The following CCBE1 variants were observed in gnomAD, a reference collection of about 807,000 sequenced individuals.
CCBE1 encodes collagen and calcium-binding EGF domain-containing protein 1.
CCBE1 carries 37 observed loss-of-function variants against 50.0 expected under a neutral mutation model. The observed-to-expected ratio is 0.74, with a 90% confidence interval of 0.57 to 0.97. CCBE1 has a LOEUF of 0.97. CCBE1 is among the 50% of genes least tolerant of loss of function. CCBE1 has a pLI of 0.00. For synonymous variants in CCBE1, 234 were observed against 203.7 expected (o/e 1.15, Z -1.27); for missense variants, 538 against 523.8 (o/e 1.03, Z -0.26).
At chr18:59,590,246 C>CA (rs1352584349) in intron 2 of CCBE1, among the ~76,000 whole-genome samples, 1 of 152,036 alleles carries the variant, frequency 6.6e-6, no homozygotes, top group African/African-American at 2.4e-5. Context: ...TCTAGAAAAA[C>CA]AATGAATATC....
Position 59,684,191 on chromosome 18 carries a change from TC to T in CCBE1, c.212+12437del, listed in dbSNP as rs35537041. Reference sequence around the variant, plus strand: ...TCCTCTCATGCCTTATCATTAAATCTCCTTTCCTACACTTTGGGAGGCCAAG... The same window carrying T: ...TCCTCTCATGCCTTATCATTAAATCTCTTTCCTACACTTTGGGAGGCCAAG... On this transcript the variant is annotated intron_variant, in intron 2 of 10. Coordinates refer to ENST00000439986, the MANE Select transcript of CCBE1 (RefSeq NM_133459.4). Among the ~76,000 whole-genome samples the T allele has an allele frequency of 4.1e-3, 627 of 152,246 alleles. 1 individual carries two copies. The highest frequency in any genetic ancestry group is 0.01 in the Middle Eastern group (3 of 294).
At chr18:59,589,274 T>C (rs1273218741) in intron 2 of CCBE1, among the ~76,000 whole-genome samples, 1 of 152,304 alleles carries the variant, frequency 6.6e-6, no homozygotes, top group Non-Finnish European at 1.5e-5. Flanking sequence ...ACATTAGTGA[T>C]AGAAAGCTTA....
chr18:59,556,774 A>G (rs1039591906), intron 2 of CCBE1, among the ~76,000 whole-genome samples: 1 of 152,234 alleles, frequency 6.6e-6, no homozygotes, highest in South Asian at 2.1e-4. Flanking sequence ...GAAATGTCCA[A>G]GGAAAGAGGT....
At position 59,432,479 on chromosome 18, in the gene CCBE1, G is replaced by A. The variant is rs1244109467; in HGVS notation, c.*3429C>T. On this transcript the variant is annotated 3_prime_UTR_variant, in exon 11 of 11. Transcript: ENST00000439986. ...AAATAGCTTTCCCATTAGGTTTTGA[G>A]CAGAAGTCCTGTTTAGACAGTAAAG... 7 of 152,134 alleles carry A rather than the reference G, an allele frequency of 4.6e-5. No homozygotes were observed. The highest frequency in any genetic ancestry group is 4.6e-4 in the Admixed American group (7 of 15,278). 9.4% of individuals were successfully genotyped at this position (152,134 alleles called of 1,614,324 possible). A position where few individuals can be genotyped will look rare whatever the true frequency, so the allele number is the denominator to read the frequency against.
intron 2 of CCBE1, among the ~76,000 whole-genome samples, chr18:59,502,275 A>G (rs1913657070): frequency 6.6e-6 from 1 of 152,140 alleles, no homozygotes; most frequent in African/African-American, 2.4e-5. Context: ...CATCAAACCT[A>G]TGCTGAGCAA....
At chr18:59,664,616 C>A (rs1264806383) in intron 2 of CCBE1, among the ~76,000 whole-genome samples, 1 of 152,122 alleles carries the variant, frequency 6.6e-6, no homozygotes, top group Non-Finnish European at 1.5e-5. Flanking sequence ...CCCTTTAAAC[C>A]AGGCTGCTGC....
chr18:59,588,302 C>T (rs1454372504), intron 2 of CCBE1, among the ~76,000 whole-genome samples: 1 of 152,068 alleles, frequency 6.6e-6, no homozygotes, highest in Non-Finnish European at 1.5e-5. Context: ...TGGTGCATGC[C>T]TGTAATCTTA....
At chr18:59,581,490 G>A (rs561085963) in intron 2 of CCBE1, among the ~76,000 whole-genome samples, 2 of 151,080 alleles carry the variant, frequency 1.3e-5, no homozygotes, top group Admixed American at 6.6e-5. Context: ...AGGAATAGGA[G>A]CTATGCCCAA....
chr18:59,676,293 G>A lies in CCBE1; in HGVS notation c.212+20336C>T, dbSNP rs962304877. 7.9e-5 allele frequency among the ~76,000 whole-genome samples: 12 copies of A among 152,192 alleles called. 1 individual carries two copies. In the Middle Eastern group the frequency reaches 0.01, roughly 129 times the overall value. On this transcript the variant is annotated intron_variant, in intron 2 of 10. Transcript: ENST00000439986. ...TGTTCTCTTGGGCACTGTTGTTTTC[G>A]CCACATGGACTTGGATAACTTTCTC...
At chr18:59,603,179 T>C (rs560446172) in intron 2 of CCBE1, among the ~76,000 whole-genome samples, 3 of 152,286 alleles carry the variant, frequency 2.0e-5, no homozygotes, top group African/African-American at 7.2e-5. Context: ...GCTCAGAAGA[T>C]TCTGGAATGA....
intron 2 of CCBE1, among the ~76,000 whole-genome samples, chr18:59,646,081 T>G (rs564090767): frequency 6.7e-6 from 1 of 150,022 alleles, no homozygotes; most frequent in Non-Finnish European, 1.5e-5. Flanking sequence ...GTTTAAAAGG[T>G]GTAGAGAATT....
At chr18:59,438,371 A>G (rs1910257343) in intron 9 of CCBE1, among the ~76,000 whole-genome samples, 1 of 152,248 alleles carries the variant, frequency 6.6e-6, no homozygotes, top group African/African-American at 2.4e-5. Context: ...TCTATTTTCA[A>G]ACCTTCTTGG....
intron 2 of CCBE1, among the ~76,000 whole-genome samples, chr18:59,553,333 C>T: frequency 6.6e-6 from 1 of 152,172 alleles, no homozygotes; most frequent in East Asian, 1.9e-4. Flanking sequence ...GCACAGGGGA[C>T]ATTCTTACTG....
intron 5 of CCBE1, among the ~76,000 whole-genome samples, chr18:59,460,626 T>C (rs1177696679): frequency 2.0e-5 from 3 of 152,124 alleles, no homozygotes; most frequent in Non-Finnish European, 4.4e-5. Context: ...ATTTCTTAGA[T>C]GGAGGACTAA....
chr18:59,623,213 G>A (rs1478171123), intron 2 of CCBE1, among the ~76,000 whole-genome samples: 1 of 152,150 alleles, frequency 6.6e-6, no homozygotes, highest in Non-Finnish European at 1.5e-5. Context: ...TTTAAAAAAT[G>A]TAGGAATTAA....
intron 2 of CCBE1, among the ~76,000 whole-genome samples, chr18:59,561,589 C>T (rs2052739856): frequency 6.6e-6 from 1 of 152,178 alleles, no homozygotes; most frequent in African/African-American, 2.4e-5. Context: ...TATAACTGCC[C>T]TGCTGACACT....
intron 2 of CCBE1, among the ~76,000 whole-genome samples, chr18:59,531,456 C>T (rs1426119499): frequency 1.3e-5 from 2 of 151,928 alleles, no homozygotes; most frequent in African/African-American, 4.8e-5. Flanking sequence ...AAATTTTGTC[C>T]CCAGGAACAA....
At chr18:59,636,378 A>G (rs768162471) in intron 2 of CCBE1, among the ~76,000 whole-genome samples, 2 of 152,232 alleles carry the variant, frequency 1.3e-5, no homozygotes, top group Non-Finnish European at 2.9e-5. Flanking sequence ...CCCTGCCTCA[A>G]ATAGGTCTAT....
At chr18:59,625,467 A>C (rs911960009) in intron 2 of CCBE1, among the ~76,000 whole-genome samples, 2 of 150,166 alleles carry the variant, frequency 1.3e-5, no homozygotes, top group Admixed American at 1.3e-4. Flanking sequence ...GTAGCCATAT[A>C]CTGATGCTTG....
Sources: allele counts gnomAD v4.1 joint callset (sites outside exome capture counted in the v4.1 genomes callset), GRCh38; gene constraint gnomAD v4.1.1; transcripts MANE v1.5; gene names NCBI Gene and HGNC (gene_info 2026-07-23, HGNC 2026-07-21).